The following PCDH15 variants were observed in gnomAD, a reference collection of about 807,000 sequenced individuals.
PCDH15 encodes the protein protocadherin-15.
PCDH15 carries 129 observed loss-of-function variants against 178.5 expected under a neutral mutation model. That is an observed-to-expected ratio of 0.72 (90% CI 0.63 to 0.84). The LOEUF (loss-of-function observed/expected upper bound fraction) is 0.84, where lower values mean the gene tolerates loss of function less well. PCDH15 is among the 40% of genes least tolerant of loss of function. PCDH15 has a pLI of 0.00. For synonymous variants in PCDH15, 800 were observed against 732.0 expected (o/e 1.09, Z -1.50); for missense variants, 2,230 against 2,099.9 (o/e 1.06, Z -1.21).
At chr10:54,633,174 T>C (rs2093750240) in intron 2 of PCDH15, among the ~76,000 whole-genome samples, 1 of 152,070 alleles carries the variant, frequency 6.6e-6, no homozygotes, top group Non-Finnish European at 1.5e-5. Flanking sequence ...ATTTTATTTT[T>C]TTCAACAGAG....
In PCDH15 at chr10:54,153,209, T is replaced by G; in HGVS notation, c.1675A>C (p.Asn559His). The change falls in exon 14 of 38, where the codon AAT becomes CAT. Residue 559 changes from asparagine (N) to histidine (H), a missense_variant. Physicochemically the swap from Asn to His is moderately conservative, Grantham distance 68 (BLOSUM62 1). Coordinates refer to ENST00000644397, the MANE Select transcript of PCDH15 (RefSeq NM_001384140.1). Reference protein sequence around the residue: ...LVGAQGDFIINKTTGLITIAP... With the variant: ...LVGAQGDFIIHKTTGLITIAP... ...ATGGTGATAAGCCCTGTTGTTTTAT[T>G]GATGATGAAGTCTCCCTGAGCCCCA... The G allele has an allele frequency of 6.2e-7, 1 of 1,613,914 alleles. No individual in the cohort carries two copies. The highest frequency in any genetic ancestry group is 8.5e-7 in the Non-Finnish European group (1 of 1,179,894).
At position 55,076,538 on chromosome 10, in the gene PCDH15, G is replaced by A. The variant is rs563491308; in HGVS notation, c.-80+90038C>T. 4.0e-5 allele frequency among the ~76,000 whole-genome samples: 6 copies of A among 150,954 alleles called. No individual in the cohort carries two copies. The East Asian group carries it at 1.2e-3, about 29-fold the overall frequency. ...GCGATCTCAGTTCACTGCGACCTCT[G>A]CCTTCAAATGGTTCTTGTGCCTCAG... On this transcript the variant is annotated intron_variant, in intron 2 of 5. Transcript: ENST00000458638.
At chr10:55,168,826 A>G (rs1004758499) in intron 1 of PCDH15, among the ~76,000 whole-genome samples, 2 of 152,314 alleles carry the variant, frequency 1.3e-5, no homozygotes, top group South Asian at 4.1e-4. Context: ...TTATCAATAT[A>G]GTTCCAAAGA....
intron 2 of PCDH15, among the ~76,000 whole-genome samples, chr10:55,121,593 T>C (rs1591919000): frequency 6.6e-6 from 1 of 152,102 alleles, no homozygotes; most frequent in Admixed American, 6.6e-5. Context: ...TAAGTTGGAA[T>C]TTAAACCCCA....
chr10:54,957,455 T>C (rs1177677439), intron 2 of PCDH15, among the ~76,000 whole-genome samples: 2 of 151,616 alleles, frequency 1.3e-5, no homozygotes, highest in East Asian at 3.9e-4. Flanking sequence ...AAGGTTTTTT[T>C]CCTCCACTTT....
chr10:54,379,416 T>A (rs1026655014), intron 3 of PCDH15, among the ~76,000 whole-genome samples: 3 of 152,168 alleles, frequency 2.0e-5, no homozygotes, highest in Admixed American at 6.6e-5. Context: ...GAGAACTGCT[T>A]CTTTTTATCT....
At chr10:53,851,883 T>A (rs1016215018) in intron 28 of PCDH15, among the ~76,000 whole-genome samples, 1 of 151,528 alleles carries the variant, frequency 6.6e-6, no homozygotes, top group Non-Finnish European at 1.5e-5. Context: ...AAATATTTCA[T>A]AAAGTTGAGG....
At chr10:54,728,787 C>A (rs539902471) in intron 1 of PCDH15, among the ~76,000 whole-genome samples, 1 of 151,422 alleles carries the variant, frequency 6.6e-6, no homozygotes, top group African/African-American at 2.4e-5. Context: ...CAATAGTGTC[C>A]AAGGTGAGAG....
At chr10:54,961,473 CT>C (rs1838653185) in intron 2 of PCDH15, among the ~76,000 whole-genome samples, 1 of 152,214 alleles carries the variant, frequency 6.6e-6, no homozygotes, top group African/African-American at 2.4e-5. Flanking sequence ...CCAGGAATGG[CT>C]TGAGGCCTAG....
intron 2 of PCDH15, among the ~76,000 whole-genome samples, chr10:55,616,519 CA>C (rs34005780): frequency 0.066 from 8,396 of 127,432 alleles, 521 homozygotes; most frequent in East Asian, 0.33. Context: ...CTGAAATTAG[CA>C]AAAAAAAAAA....
chr10:54,265,519 C>T (rs2057615847), intron 8 of PCDH15, among the ~76,000 whole-genome samples: 1 of 151,300 alleles, frequency 6.6e-6, no homozygotes, highest in African/African-American at 2.4e-5. Context: ...CATCTGCTGT[C>T]TTCAAGAGAC....
chr10:53,842,138 C>T (rs1285914051), intron 28 of PCDH15, among the ~76,000 whole-genome samples: 1 of 152,096 alleles, frequency 6.6e-6, no homozygotes, highest in Admixed American at 6.6e-5. Context: ...GTAGGAGGCA[C>T]AAACAATAAT....
At chr10:54,433,544 G>A (rs2075158428) in intron 3 of PCDH15, among the ~76,000 whole-genome samples, 1 of 152,084 alleles carries the variant, frequency 6.6e-6, no homozygotes, top group South Asian at 2.1e-4. Context: ...GAGAGTAGAA[G>A]CCTTGGAAGG....
chr10:54,270,051 A>T (rs780223784), intron 8 of PCDH15, among the ~76,000 whole-genome samples: 51 of 152,072 alleles, frequency 3.4e-4, no homozygotes, highest in Admixed American at 1.6e-3. Flanking sequence ...AACACACTGT[A>T]CTAGGTGGTA....
chr10:54,752,523 AAC>A, intron 1 of PCDH15, among the ~76,000 whole-genome samples: 2 of 77,670 alleles, frequency 2.6e-5, no homozygotes, highest in African/African-American at 9.3e-5. Flanking sequence ...CAAACAAACA[AAC>A]AAACAAAAAA....
chr10:55,004,589 T>C (rs2131934587), intron 2 of PCDH15, among the ~76,000 whole-genome samples: 1 of 152,276 alleles, frequency 6.6e-6, no homozygotes, highest in Middle Eastern at 3.4e-3. Flanking sequence ...AACTCCTCTC[T>C]GTCTTAACCC....
intron 2 of PCDH15, among the ~76,000 whole-genome samples, chr10:55,350,324 T>G (rs949959862): frequency 1.0e-4 from 15 of 146,214 alleles, no homozygotes; most frequent in Non-Finnish European, 3.0e-5. Flanking sequence ...TATCATTATT[T>G]AAATGATCTG....
chr10:55,472,624 A>C (rs189667615), intron 2 of PCDH15, among the ~76,000 whole-genome samples: 228 of 152,318 alleles, frequency 1.5e-3, no homozygotes, highest in African/African-American at 5.2e-3. Context: ...GCTGGAGTGC[A>C]GTGGCGCGGT....
chr10:55,335,162 T>C (rs1844348780), intron 2 of PCDH15, among the ~76,000 whole-genome samples: 1 of 152,188 alleles, frequency 6.6e-6, no homozygotes, highest in South Asian at 2.1e-4. Flanking sequence ...TGCAGCTTTT[T>C]CAATTTCTTC....
Sources: gnomAD v4.1 joint callset for allele counts (sites outside exome capture counted in the v4.1 genomes callset) on GRCh38, gnomAD v4.1.1 for gene constraint, MANE v1.5 for transcripts, NCBI Gene and HGNC (gene_info 2026-07-23, HGNC 2026-07-21) for gene names.